ROR2: variants seen among roughly 807,000 people sequenced by gnomAD.
The protein encoded by ROR2 is ROR family WNT receptor 2.
A neutral mutation model predicts 74.9 loss-of-function variants in ROR2; 33 were observed. The observed-to-expected ratio is 0.44, with a 90% CI of 0.33 to 0.59. ROR2 has a LOEUF of 0.59. ROR2 is among the 20% of genes least tolerant of loss of function. The probability of loss-of-function intolerance (pLI) is 0.02; values close to 1 mark genes in which losing one functional copy is unlikely to be tolerated. For synonymous variants in ROR2, 586 were observed against 558.7 expected (o/e 1.05, Z -0.69); for missense variants, 1,216 against 1,313.8 (o/e 0.93, Z 1.15).
At chr9:91,902,443 C>T (rs549369711) in intron 1 of ROR2, among the ~76,000 whole-genome samples, 115 of 152,162 alleles carry the variant, frequency 7.6e-4, no homozygotes, top group African/African-American at 2.1e-3. Flanking sequence ...GGCCTTCCCA[C>T]GCCTCAGGCC....
chr9:91,887,531 T>C (rs1830315873), intron 1 of ROR2, among the ~76,000 whole-genome samples: 1 of 152,228 alleles, frequency 6.6e-6, no homozygotes. Context: ...TTTTTCCCAC[T>C]GTTCTGTGGG....
intron 1 of ROR2, among the ~76,000 whole-genome samples, chr9:91,782,387 G>A (rs906819571): frequency 2.0e-5 from 3 of 151,684 alleles, no homozygotes; most frequent in Admixed American, 1.3e-4. Context: ...TTAAAGGGAG[G>A]GATGTAAAAA....
intron 1 of ROR2, among the ~76,000 whole-genome samples, chr9:91,922,352 A>C (rs1402405211): frequency 1.3e-5 from 2 of 152,248 alleles, no homozygotes; most frequent in Non-Finnish European, 2.9e-5. Context: ...GGAAATCAAC[A>C]GCGTCTTCTC....
intron 1 of ROR2, among the ~76,000 whole-genome samples, chr9:91,780,173 C>G (rs1393669541): frequency 2.6e-5 from 4 of 152,060 alleles, no homozygotes; most frequent in African/African-American, 9.7e-5. Context: ...GGGTGGATCA[C>G]GAGACCATCC....
chr9:91,726,829 C>T lies in ROR2; in HGVS notation c.1184-86G>A, dbSNP rs550915385. 5 of 1,302,694 alleles carry T rather than the reference C, an allele frequency of 3.8e-6. No individual in the cohort carries two copies. In the African/African-American group the frequency reaches 7.2e-5, roughly 19 times the overall value. 80.7% of individuals were successfully genotyped at this position (1,302,694 alleles called of 1,614,324 possible). On this transcript the variant is annotated intron_variant, in intron 7 of 8. Transcript: ENST00000375708. ...CTACCAACCCACTCTCCACCTCCAG[C>T]CAAAATCTTCACGTGCACGTGTGTC... is the stretch of plus-strand genomic sequence containing the variant.
Position 91,726,708 on chromosome 9 carries a change from T to C in ROR2, c.1219A>G (p.Ile407Val). The C allele has an allele frequency of 1.2e-6, 2 of 1,613,984 alleles. No individual in the cohort carries two copies. The highest frequency in any genetic ancestry group is 2.2e-5 in the East Asian group (1 of 44,858). ...RDSSKMGILY[I>V]LVPSIAIPLV... Reference sequence around the variant, plus strand: ...GGAATTGCGATGCTGGGGACCAAGATGTACAGAATCCCCATCTTGCTGCTG... The same window carrying C: ...GGAATTGCGATGCTGGGGACCAAGACGTACAGAATCCCCATCTTGCTGCTG... The change falls in exon 8 of 9, where the codon ATC (isoleucine) becomes GTC (valine). Residue 407 changes from isoleucine (I) to valine (V), a missense_variant. Physicochemically the swap from Ile to Val is conservative, Grantham distance 29. Transcript: ENST00000375708.
intron 1 of ROR2, among the ~76,000 whole-genome samples, chr9:91,912,262 G>T (rs551876510): frequency 2.6e-5 from 4 of 152,160 alleles, no homozygotes; most frequent in South Asian, 2.1e-4. Context: ...AAGGGAAGCC[G>T]AGTTAAAGGG....
Position 91,723,390 on chromosome 9 carries a change from CA to C in ROR2, c.*271del, listed in dbSNP as rs1836864079. On this transcript the variant is annotated 3_prime_UTR_variant, in exon 9 of 9. Transcript: ENST00000375708. The stretch of plus-strand genomic sequence containing the variant: ...CTCACTACCAGTCTACCACCAGAAT[CA>C]ATGTATACAGCCCTGGGGATGACCA... 6.2e-6 allele frequency: 3 copies of C among 486,238 alleles called. No homozygotes were observed. The highest frequency in any genetic ancestry group is 3.8e-5 in the African/African-American group (2 of 52,030). The allele number at this position is 486,238 out of a possible 1,614,324, so 30.1% of individuals were successfully genotyped here.
chr9:91,785,080 T>C (rs1202939540), intron 1 of ROR2, among the ~76,000 whole-genome samples: 1 of 152,142 alleles, frequency 6.6e-6, no homozygotes, highest in Non-Finnish European at 1.5e-5. Flanking sequence ...CACATGGACA[T>C]GGGTACACAC....
At chr9:91,882,773 A>G (rs974592885) in intron 1 of ROR2, among the ~76,000 whole-genome samples, 3 of 152,162 alleles carry the variant, frequency 2.0e-5, no homozygotes, top group African/African-American at 2.4e-5. Context: ...GAGGACTCAG[A>G]CACAGAGAGG....
rs747270256 is a variant in ROR2, at chr9:91,724,753, G to T, written c.1741C>A (p.Arg581Ser). 9 of 1,613,870 alleles carry T rather than the reference G, an allele frequency of 5.6e-6. No individual in the cohort carries two copies. The highest frequency in any genetic ancestry group is 1.3e-5 in the African/African-American group (1 of 74,938). Residue 581 changes from arginine to serine, a missense_variant, in exon 9 of 9, where the codon CGC becomes AGC. Physicochemically the swap from Arg to Ser is moderately radical, Grantham distance 110 (BLOSUM62 -1). Coordinates refer to ENST00000375708, the MANE Select transcript of ROR2 (RefSeq NM_004560.4). ...HSDVGSTDDD[R>S]TVKSALEPPD... ...GGCTCCAGGGCGGACTTCACCGTGC[G>T]GTCATCATCGGTGCTGCCCACGTCC...
chr9:91,806,271 T>G (rs1355249519), intron 1 of ROR2, among the ~76,000 whole-genome samples: 1 of 152,196 alleles, frequency 6.6e-6, no homozygotes, highest in Non-Finnish European at 1.5e-5. Flanking sequence ...GGTGAATTCA[T>G]GTCTGATGAG....
At chr9:91,926,739 A>T (rs925837541) in intron 1 of ROR2, among the ~76,000 whole-genome samples, 2 of 151,616 alleles carry the variant, frequency 1.3e-5, no homozygotes, top group Non-Finnish European at 2.9e-5. Flanking sequence ...CAGGCCAGGC[A>T]CAAAGGACAA....
At chr9:91,756,049 C>T (rs2118839310) in intron 4 of ROR2, 22 bp downstream of exon 4, 1 of 1,613,198 alleles carries the variant, frequency 6.2e-7, no homozygotes, top group Non-Finnish European at 8.5e-7. Context: ...CAGAACACGG[C>T]TTGGGGAAAA....
chr9:91,843,629 T>C (rs541858260), intron 1 of ROR2, among the ~76,000 whole-genome samples: 5 of 152,206 alleles, frequency 3.3e-5, no homozygotes, highest in African/African-American at 4.8e-5. Flanking sequence ...AATTACTATA[T>C]GTCTAGAGAC....
chr9:91,931,837 T>C (rs763699960), intron 1 of ROR2, among the ~76,000 whole-genome samples: 15 of 152,232 alleles, frequency 9.9e-5, no homozygotes, highest in Non-Finnish European at 2.1e-4. Flanking sequence ...GCTACACTCA[T>C]GGGACAATTT....
At chr9:91,901,820 G>A (rs1830684964) in intron 1 of ROR2, among the ~76,000 whole-genome samples, 1 of 148,250 alleles carries the variant, frequency 6.7e-6, no homozygotes, top group African/African-American at 2.5e-5. Context: ...AAAAAAGAGT[G>A]CTCTGAAAAA....
At chr9:91,749,895 A>T (rs1303467680) in intron 4 of ROR2, among the ~76,000 whole-genome samples, 1 of 152,150 alleles carries the variant, frequency 6.6e-6, no homozygotes, top group Admixed American at 6.5e-5. Flanking sequence ...TAAAGCAAGA[A>T]AAACACATAT....
chr9:91,756,199 G>A (rs1825745168), intron 3 of ROR2, 98 bp from the exon 4 acceptor site: 7 of 1,207,054 alleles, frequency 5.8e-6, no homozygotes, highest in Admixed American at 5.3e-5. Flanking sequence ...TGAAGCCAGC[G>A]GGCTCACTGG....
Sources: gnomAD v4.1 joint callset for allele counts (sites outside exome capture counted in the v4.1 genomes callset) on GRCh38, gnomAD v4.1.1 for gene constraint, MANE v1.5 for transcripts, NCBI Gene and HGNC (gene_info 2026-07-23, HGNC 2026-07-21) for gene names.